Variants in SPECC1 observed in about 807,000 individuals in gnomAD.
The protein encoded by SPECC1 is cytospin-B.
SPECC1 carries 62 observed loss-of-function variants against 104.1 expected under a neutral mutation model. The observed-to-expected ratio is 0.60, with a 90% CI of 0.49 to 0.74. SPECC1 has a LOEUF of 0.74. Ranked by LOEUF, SPECC1 falls within the 30% of genes least tolerant of loss-of-function variation. SPECC1 has a pLI of 0.00. For synonymous variants in SPECC1, 513 were observed against 501.6 expected (o/e 1.02, Z -0.30); for missense variants, 1,306 against 1,310.5 (o/e 1.00, Z 0.05).
intron 7 of SPECC1, chr17:20,237,315 GTTT>G (rs10713362): frequency 1.3e-3 from 1,188 of 906,576 alleles, no homozygotes; most frequent in Middle Eastern, 3.4e-3. Flanking sequence ...GTTTTGTTTT[GTTT>G]TTTTTTTTTT....
At chr17:20,185,276 C>A (rs2243732) in intron 3 of SPECC1, 1 of 152,324 alleles carries the variant, frequency 6.6e-6, no homozygotes, top group Non-Finnish European at 1.5e-5. Context: ...ATTTGGGCAG[C>A]CCTAGAACCG....
At chr17:20,311,378 T>TTTTTTG (rs532559442) in intron 14 of SPECC1, among the ~76,000 whole-genome samples, 85 of 151,814 alleles carry the variant, frequency 5.6e-4, no homozygotes, top group Middle Eastern at 3.4e-3. Context: ...AGTACATTTT[T>TTTTTTG]TTTTTGTTTT....
chr17:20,082,224 C>T (rs1262270728), intron 1 of SPECC1, among the ~76,000 whole-genome samples: 3 of 152,174 alleles, frequency 2.0e-5, no homozygotes, highest in Admixed American at 2.0e-4. Flanking sequence ...ACCTCCTACC[C>T]ATCCTTCAGA....
intron 7 of SPECC1, among the ~76,000 whole-genome samples, chr17:20,241,070 A>G (rs2039179111): frequency 6.6e-6 from 1 of 152,240 alleles, no homozygotes; most frequent in African/African-American, 2.4e-5. Flanking sequence ...TTTGCCTGAC[A>G]GTGCTTCTGA....
intron 14 of SPECC1, among the ~76,000 whole-genome samples, chr17:20,309,138 G>A (rs976861263): frequency 2.0e-5 from 3 of 151,962 alleles, no homozygotes; most frequent in African/African-American, 4.8e-5. Context: ...GCACTTTCCC[G>A]GCTTTTTCCA....
chr17:20,055,320 T>C (rs1235220232), intron 1 of SPECC1, among the ~76,000 whole-genome samples: 1 of 152,132 alleles, frequency 6.6e-6, no homozygotes, highest in African/African-American at 2.4e-5. Flanking sequence ...CCACATATTG[T>C]CTACCCCTTC....
intron 14 of SPECC1, among the ~76,000 whole-genome samples, chr17:20,313,134 T>G (rs1312595008): frequency 6.6e-6 from 1 of 152,204 alleles, no homozygotes; most frequent in Non-Finnish European, 1.5e-5. Context: ...CTTTCTGGCC[T>G]GGATGTTATG....
At chr17:20,133,945 GT>G (rs1260070180) in intron 3 of SPECC1, among the ~76,000 whole-genome samples, 1 of 152,106 alleles carries the variant, frequency 6.6e-6, no homozygotes, top group Non-Finnish European at 1.5e-5. Context: ...GAGATGTGAA[GT>G]GTTTCTTGGG....
At chr17:20,040,259 A>G (rs1567807741) in intron 1 of SPECC1, among the ~76,000 whole-genome samples, 1 of 152,138 alleles carries the variant, frequency 6.6e-6, no homozygotes, top group Non-Finnish European at 1.5e-5. Flanking sequence ...TCAATGAGGT[A>G]TAGAAACCTA....
At chr17:20,255,335 A>G (rs780440524) in intron 10 of SPECC1, among the ~76,000 whole-genome samples, 25 of 152,196 alleles carry the variant, frequency 1.6e-4, no homozygotes, top group African/African-American at 4.3e-4. Flanking sequence ...CACAGCAGGA[A>G]GCCCACTTGG....
intron 1 of SPECC1, among the ~76,000 whole-genome samples, chr17:20,042,493 C>T (rs2045370701): frequency 6.6e-6 from 1 of 152,202 alleles, no homozygotes; most frequent in Admixed American, 6.5e-5. Flanking sequence ...CCAGGTTCCC[C>T]TGACACTGCT....
At chr17:20,055,255 T>C (rs550156123) in intron 1 of SPECC1, among the ~76,000 whole-genome samples, 5 of 125,516 alleles carry the variant, frequency 4.0e-5, no homozygotes, top group South Asian at 4.7e-4. Context: ...TTGCATGTTA[T>C]AGAATTTCCT....
chr17:20,291,690 A>G (rs1170472205), intron 12 of SPECC1, among the ~76,000 whole-genome samples: 2 of 152,170 alleles, frequency 1.3e-5, no homozygotes, highest in Admixed American at 1.3e-4. Flanking sequence ...AACTACAGGC[A>G]TGTGCCACCA....
intron 1 of SPECC1, among the ~76,000 whole-genome samples, chr17:20,019,533 T>G (rs1388745328): frequency 6.6e-6 from 1 of 152,164 alleles, no homozygotes; most frequent in Non-Finnish European, 1.5e-5. Flanking sequence ...GAGGGACTAC[T>G]CAACCATTCA....
intron 1 of SPECC1, among the ~76,000 whole-genome samples, chr17:20,089,658 C>T (rs2047322962): frequency 6.6e-6 from 1 of 152,056 alleles, no homozygotes; most frequent in Non-Finnish European, 1.5e-5. Context: ...AGATAAAATG[C>T]AGGATTTTGA....
chr17:20,304,857 T>A (rs1598174158), intron 13 of SPECC1, among the ~76,000 whole-genome samples: 1 of 151,740 alleles, frequency 6.6e-6, no homozygotes, highest in South Asian at 2.1e-4. Flanking sequence ...CAGAATAGAA[T>A]GGCGGCAGCC....
intron 1 of SPECC1, chr17:20,057,935 T>C (rs1225699203): frequency 6.6e-6 from 1 of 152,226 alleles, no homozygotes; most frequent in Admixed American, 6.5e-5. Flanking sequence ...TCAAAAAATA[T>C]ATTTCTTTAA....
intron 3 of SPECC1, among the ~76,000 whole-genome samples, chr17:20,123,213 G>T (rs1043779447): frequency 7.2e-5 from 11 of 152,206 alleles, no homozygotes; most frequent in African/African-American, 2.7e-4. Flanking sequence ...ACATGGAAGT[G>T]CCCATTTAGA....
chr17:20,131,707 T>C (rs36051592), intron 3 of SPECC1, among the ~76,000 whole-genome samples: 45,862 of 149,114 alleles, frequency 0.31, 8,370 homozygotes, highest in Middle Eastern at 0.42. Flanking sequence ...TGGAGTGCAG[T>C]GGCACAATTT....
Sources: allele counts gnomAD v4.1 joint callset (sites outside exome capture counted in the v4.1 genomes callset), GRCh38; gene constraint gnomAD v4.1.1; transcripts MANE v1.5; gene names NCBI Gene and HGNC (gene_info 2026-07-23, HGNC 2026-07-21).